Variants in ADGRL2 observed in about 807,000 individuals in gnomAD.
ADGRL2 encodes the protein adhesion G protein-coupled receptor L2, also known as calcium-independent alpha-latrotoxin receptor 2.
ADGRL2 carries 44 observed loss-of-function variants against 157.4 expected under a neutral mutation model. The observed-to-expected ratio is 0.28, with a 90% CI of 0.22 to 0.36. The LOEUF (loss-of-function observed/expected upper bound fraction) is 0.36. Ranked by LOEUF, ADGRL2 falls within the 10% of genes least tolerant of loss-of-function variation. The pLI is 1.00. For synonymous variants in ADGRL2, 585 were observed against 624.7 expected (o/e 0.94, Z 0.95); for missense variants, 1,510 against 1,768.9 (o/e 0.85, Z 2.63).
intron 2 of ADGRL2, among the ~76,000 whole-genome samples, chr1:81,894,784 C>A (rs1421426365): frequency 1.3e-5 from 2 of 151,484 alleles, no homozygotes; most frequent in African/African-American, 2.4e-5. Flanking sequence ...AAAAGCATGT[C>A]TATTATTACC....
intron 3 of ADGRL2, among the ~76,000 whole-genome samples, chr1:81,693,443 G>T (rs1184478985): frequency 6.6e-6 from 1 of 152,182 alleles, no homozygotes; most frequent in Non-Finnish European, 1.5e-5. Context: ...TTAGGCTAAT[G>T]CATTCGTCTG....
intron 1 of ADGRL2, among the ~76,000 whole-genome samples, chr1:81,366,070 T>C (rs1283499834): frequency 6.6e-6 from 1 of 152,188 alleles, no homozygotes; most frequent in Non-Finnish European, 1.5e-5. Context: ...GATAGTCTGT[T>C]GGTTCTTACA....
rs371765210 is a variant in ADGRL2, at chr1:81,353,160, T to C, written c.-302+46651T>C. Among the ~76,000 whole-genome samples the C allele has an allele frequency of 2.0e-5, 3 of 152,192 alleles. No individual in the cohort carries two copies. In the South Asian group the frequency reaches 6.2e-4, roughly 32 times the overall value. On this transcript the variant is annotated intron_variant, in intron 1 of 24. Coordinates refer to the ADGRL2 transcript ENST00000370721. ...TATCTCAAAATTTGCACCCAGGCAG[T>C]CTCTCTTCCAGACCCTTACATGTAG...
At chr1:81,895,550 A>C (rs2094367066) in intron 2 of ADGRL2, among the ~76,000 whole-genome samples, 1 of 151,604 alleles carries the variant, frequency 6.6e-6, no homozygotes, top group African/African-American at 2.4e-5. Context: ...AGGTGCCCAC[A>C]GCTAGCTAAT....
chr1:81,801,471 G>T (rs879878186), intron 1 of ADGRL2, among the ~76,000 whole-genome samples: 12 of 152,202 alleles, frequency 7.9e-5, no homozygotes, highest in Admixed American at 6.5e-5. Context: ...ACACGCAGAG[G>T]TGCTGGGGCG....
At chr1:81,870,264 T>G (rs1046045590) in intron 2 of ADGRL2, among the ~76,000 whole-genome samples, 1 of 151,992 alleles carries the variant, frequency 6.6e-6, no homozygotes, top group African/African-American at 2.4e-5. Context: ...AATACCTGAT[T>G]CTCTAAATTT....
At chr1:81,908,806 A>T (rs1572057300) in intron 3 of ADGRL2, among the ~76,000 whole-genome samples, 1 of 152,018 alleles carries the variant, frequency 6.6e-6, no homozygotes, top group Non-Finnish European at 1.5e-5. Flanking sequence ...TTCCCTAATG[A>T]CATGAAATGT....
At chr1:81,775,443 A>C (rs1233664703) in intron 2 of ADGRL2, among the ~76,000 whole-genome samples, 1 of 152,222 alleles carries the variant, frequency 6.6e-6, no homozygotes, top group African/African-American at 2.4e-5. Flanking sequence ...AAAGTTGCTG[A>C]ATATATCTGC....
intron 1 of ADGRL2, among the ~76,000 whole-genome samples, chr1:81,384,688 C>G (rs2076404192): frequency 6.6e-6 from 1 of 151,972 alleles, no homozygotes; most frequent in Non-Finnish European, 1.5e-5. Flanking sequence ...GGTATATGAC[C>G]TGAAACATTT....
In ADGRL2 at chr1:81,753,165, TG is replaced by T. The variant is rs912988445; in HGVS notation, c.-142-8643del. Among the ~76,000 whole-genome samples, 250 of 151,172 alleles carry T rather than the reference TG, an allele frequency of 1.7e-3. 1 individual carries two copies. The highest frequency in any genetic ancestry group is 6.0e-3 in the African/African-American group (243 of 40,634). Reference sequence around the variant, plus strand: ...CTGCTGATAAAGACATACCTGAGACTGGGCAATTTACAAAAGAAAGAGGTTT... The same window carrying T: ...CTGCTGATAAAGACATACCTGAGACTGGCAATTTACAAAAGAAAGAGGTTT... On this transcript the variant is annotated intron_variant, in intron 1 of 20. Transcript: ENST00000359929.
intron 19 of ADGRL2, among the ~76,000 whole-genome samples, chr1:81,983,290 G>A (rs887283570): frequency 6.6e-6 from 1 of 151,770 alleles, no homozygotes; most frequent in African/African-American, 2.4e-5. Flanking sequence ...AGTTGGGTGC[G>A]CCAGGATGAG....
intron 3 of ADGRL2, among the ~76,000 whole-genome samples, chr1:81,931,630 T>C (rs2095231837): frequency 6.6e-6 from 1 of 152,156 alleles, no homozygotes; most frequent in Non-Finnish European, 1.5e-5. Context: ...ATTTTCTACT[T>C]AGTATTTAAT....
chr1:81,839,802 T>TAAA (rs2092464552), intron 2 of ADGRL2, among the ~76,000 whole-genome samples: 1 of 146,508 alleles, frequency 6.8e-6, no homozygotes, highest in Non-Finnish European at 1.5e-5. Flanking sequence ...TATATATATA[T>TAAA]TTTCCATCAT....
chr1:81,428,189 A>G (rs756482443), intron 1 of ADGRL2, among the ~76,000 whole-genome samples: 4 of 152,166 alleles, frequency 2.6e-5, no homozygotes, highest in Non-Finnish European at 5.9e-5. Context: ...AAACCATGAC[A>G]TGAATGGGTG....
chr1:81,747,034 GTA>G lies in ADGRL2; in HGVS notation c.-142-14769_-142-14768del, dbSNP rs201073080. Among the ~76,000 whole-genome samples, 852 of 128,692 alleles carry G rather than the reference GTA, an allele frequency of 6.6e-3. 8 individuals are homozygous for G. Among genetic ancestry groups the G allele is most frequent in the South Asian group, 0.035 (140 of 4,052 alleles). 84.4% of individuals were successfully genotyped at this position (128,692 alleles called of 152,430 possible). A position where few individuals can be genotyped will look rare whatever the true frequency, so the allele number is the denominator to read the frequency against. On this transcript the variant is annotated intron_variant, in intron 1 of 20. Coordinates refer to the ADGRL2 transcript ENST00000359929. The stretch of plus-strand genomic sequence containing the variant: ...CACGTATGTATACACGTGTATATAC[GTA>G]TATATATGTATATACGTATATACAC...
intron 17 of ADGRL2, among the ~76,000 whole-genome samples, chr1:81,975,633 T>C (rs1347908777): frequency 1.3e-5 from 2 of 151,840 alleles, no homozygotes; most frequent in South Asian, 2.1e-4. Flanking sequence ...AAATCACTTA[T>C]TATAATTGGT....
intron 2 of ADGRL2, among the ~76,000 whole-genome samples, chr1:81,901,253 A>G (rs1359151442): frequency 6.6e-6 from 1 of 152,234 alleles, no homozygotes; most frequent in East Asian, 1.9e-4. Flanking sequence ...TCAAAAATCA[A>G]AGTAAAACTA....
At chr1:81,652,163 A>T (rs2082434488) in intron 3 of ADGRL2, among the ~76,000 whole-genome samples, 1 of 152,228 alleles carries the variant, frequency 6.6e-6, no homozygotes, top group African/African-American at 2.4e-5. Context: ...AACAGCAAGA[A>T]TATTTAGCAA....
chr1:81,498,213 C>T (rs193169089), intron 2 of ADGRL2, among the ~76,000 whole-genome samples: 57 of 152,130 alleles, frequency 3.7e-4, no homozygotes, highest in Admixed American at 2.6e-3. Context: ...TAGCAAGTAT[C>T]GTGAAATTAT....
Sources: gnomAD v4.1 joint callset for allele counts (sites outside exome capture counted in the v4.1 genomes callset) on GRCh38, gnomAD v4.1.1 for gene constraint, MANE v1.5 for transcripts, NCBI Gene and HGNC (gene_info 2026-07-23, HGNC 2026-07-21) for gene names.